The following LGSN variants were observed in gnomAD, a reference collection of about 807,000 sequenced individuals.
The protein encoded by LGSN is lengsin.
Under a neutral mutation model 19.5 loss-of-function variants are expected in LGSN, and 21 were observed. The observed-to-expected ratio is 1.07, with a 90% CI of 0.76 to 1.55. The LOEUF is 1.55. Among genes scored for constraint, LGSN ranks in the 40% most tolerant of loss-of-function variants. The pLI, the probability that LGSN is intolerant of heterozygous loss-of-function variation, is 0.00. For synonymous variants in LGSN, 257 were observed against 215.6 expected, an observed-to-expected ratio of 1.19 and a Z score of -1.68; for missense variants, 673 against 608.5, an observed-to-expected ratio of 1.11 and a Z score of -1.12.
the LGSN span, among the ~76,000 whole-genome samples, chr6:63,354,528 T>C: frequency 6.6e-6 from 1 of 152,144 alleles, no homozygotes; most frequent in African/African-American, 2.4e-5. Context: ...AAGGTAACTC[T>C]TGTACACTGT....
chr6:63,551,964 C>T, the LGSN span, among the ~76,000 whole-genome samples: 5,880 of 152,208 alleles, frequency 0.039, 387 homozygotes, highest in African/African-American at 0.13. Context: ...TGGGTTGGTT[C>T]CAAGTCTTTG....
the LGSN span, among the ~76,000 whole-genome samples, chr6:63,412,406 A>G: frequency 1.1e-3 from 152 of 134,298 alleles, 1 homozygote; most frequent in African/African-American, 3.8e-3. Context: ...AAGGAAAGAA[A>G]GAAAGAAAGA....
At chr6:63,348,458 GA>G in the LGSN span, among the ~76,000 whole-genome samples, 55 of 144,556 alleles carry the variant, frequency 3.8e-4, no homozygotes, top group East Asian at 1.2e-3. Context: ...TGTCTCAAAA[GA>G]AAAAAAAAAA....
the LGSN span, among the ~76,000 whole-genome samples, chr6:63,390,118 C>CTTTTTTTTTTTTTTTTTTTTT: frequency 4.5e-5 from 3 of 66,336 alleles, no homozygotes; most frequent in Admixed American, 2.1e-4. Context: ...TTCTTTCTTT[C>CTTTTTTTTTTTTTTTTTTTTT]TTTTTTTTTT....
the LGSN span, among the ~76,000 whole-genome samples, chr6:63,513,910 CAAAAAAAAAAAA>C: frequency 0.082 from 876 of 10,676 alleles, 9 homozygotes; most frequent in Middle Eastern, 0.38. Context: ...GACTTCATCT[CAAAAAAAAAAAA>C]AAAAAAAAAA....
chr6:63,405,415 C>T, the LGSN span, among the ~76,000 whole-genome samples: 3 of 152,156 alleles, frequency 2.0e-5, no homozygotes, highest in East Asian at 3.9e-4. Flanking sequence ...AGTTTACAGT[C>T]GCACCAACAG....
chr6:63,359,166 C>G, the LGSN span, among the ~76,000 whole-genome samples: 102 of 152,306 alleles, frequency 6.7e-4, no homozygotes, highest in Non-Finnish European at 1.1e-3. Context: ...ACCAGCCTTG[C>G]ATCCCAGGGA....
the LGSN span, among the ~76,000 whole-genome samples, chr6:63,450,583 A>G: frequency 6.6e-6 from 1 of 151,828 alleles, no homozygotes; most frequent in Admixed American, 6.6e-5. Context: ...TAATTTTTTA[A>G]AAAACGTTAG....
At chr6:63,286,517 G>T (rs1310656992) in intron 2 of LGSN, among the ~76,000 whole-genome samples, 1 of 152,178 alleles carries the variant, frequency 6.6e-6, no homozygotes, top group East Asian at 1.9e-4. Context: ...CAACTCGTTA[G>T]CTTGAGTCCC....
At chr6:63,380,275 C>T in the LGSN span, among the ~76,000 whole-genome samples, 2 of 152,336 alleles carry the variant, frequency 1.3e-5, no homozygotes, top group Admixed American at 1.3e-4. Context: ...ACCTTGTCTT[C>T]CTCCTGTTGA....
chr6:63,312,342 G>A (rs1768664464), intron 1 of LGSN, among the ~76,000 whole-genome samples: 1 of 152,096 alleles, frequency 6.6e-6, no homozygotes, highest in Admixed American at 6.6e-5. Context: ...ATCATATATA[G>A]TAGCTCTATT....
chr6:63,435,234 G>A, the LGSN span, among the ~76,000 whole-genome samples: 30 of 152,306 alleles, frequency 2.0e-4, no homozygotes, highest in African/African-American at 6.7e-4. Flanking sequence ...GAGATTTATA[G>A]AGAAACTTAA....
chr6:63,443,050 G>C, the LGSN span, among the ~76,000 whole-genome samples: 174 of 152,228 alleles, frequency 1.1e-3, 1 homozygote, highest in Non-Finnish European at 2.0e-3. Flanking sequence ...CCGCGTGGGG[G>C]CTCAGGCATG....
the LGSN span, among the ~76,000 whole-genome samples, chr6:63,529,414 C>G: frequency 1.3e-5 from 2 of 151,960 alleles, no homozygotes; most frequent in South Asian, 4.1e-4. Context: ...AATTCAATCT[C>G]AAACTTTTAG....
At chr6:63,464,451 G>T in the LGSN span, among the ~76,000 whole-genome samples, 2 of 150,912 alleles carry the variant, frequency 1.3e-5, no homozygotes, top group Non-Finnish European at 2.9e-5. Flanking sequence ...TGCAAGTCAT[G>T]TTCTAAGCAT....
At chr6:63,495,882 G>A in the LGSN span, among the ~76,000 whole-genome samples, 2 of 151,900 alleles carry the variant, frequency 1.3e-5, no homozygotes, top group African/African-American at 4.8e-5. Flanking sequence ...TTTGTAAATG[G>A]AACACTCACA....
the LGSN span, among the ~76,000 whole-genome samples, chr6:63,532,306 ATTAAG>A: frequency 6.6e-6 from 1 of 152,152 alleles, no homozygotes; most frequent in African/African-American, 2.4e-5. Flanking sequence ...GTAAATCTCT[ATTAAG>A]TTGTTTTTTG....
chr6:63,441,341 G>T, the LGSN span: 1 of 476,766 alleles, frequency 2.1e-6, no homozygotes, highest in Non-Finnish European at 4.2e-6. Context: ...TCCAGCACCT[G>T]GCTCTCCTCA....
At chr6:63,442,489 C>CTGACCT in the LGSN span, among the ~76,000 whole-genome samples, 1 of 152,202 alleles carries the variant, frequency 6.6e-6, no homozygotes, top group African/African-American at 2.4e-5. Context: ...GACCTAGACA[C>CTGACCT]AGAGTGCTGA....
Sources: allele counts gnomAD v4.1 joint callset (sites outside exome capture counted in the v4.1 genomes callset), GRCh38; gene constraint gnomAD v4.1.1; transcripts MANE v1.5; gene names NCBI Gene and HGNC (gene_info 2026-07-23, HGNC 2026-07-21).